BRSK1: variants seen among roughly 807,000 people sequenced by gnomAD.
The protein encoded by BRSK1 is BR serine/threonine kinase 1, also known as serine/threonine-protein kinase BRSK1.
A neutral mutation model predicts 86.2 loss-of-function variants in BRSK1; 17 were observed. That is an observed-to-expected ratio of 0.20 (90% confidence interval 0.14 to 0.30). BRSK1 has a LOEUF of 0.30. Ranked by LOEUF, BRSK1 falls within the 10% of genes least tolerant of loss-of-function variation. The pLI is 1.00. For missense variants in BRSK1, 719 were observed against 1,071.9 expected (o/e 0.67, Z 4.60); for synonymous variants, 464 against 440.1 (o/e 1.05, Z -0.68).
chr19:55,311,326 C>T (rs999265573), intron 18 of BRSK1, among the ~76,000 whole-genome samples: 6 of 152,070 alleles, frequency 3.9e-5, no homozygotes, highest in African/African-American at 9.7e-5. Context: ...CATCCTAGGC[C>T]CCATGGAAAT....
chr19:55,293,942 C>G (rs1355982238), intron 4 of BRSK1, 75 bp from the exon 5 acceptor site: 9 of 1,288,972 alleles, frequency 7.0e-6, no homozygotes, highest in Non-Finnish European at 8.7e-6. Flanking sequence ...AAGTGTTCCA[C>G]TGTGAGAGCC....
chr19:55,289,305 T>A (rs948737335), intron 3 of BRSK1, among the ~76,000 whole-genome samples, 175 bp from the exon 4 acceptor site: 1 of 151,990 alleles, frequency 6.6e-6, no homozygotes, highest in Admixed American at 6.6e-5. Flanking sequence ...CTCCCAGGAA[T>A]TAATGGAAAC....
chr19:55,305,421 G>C (rs369672679), intron 15 of BRSK1, 42 bp from the exon 16 acceptor site: 10 of 1,614,106 alleles, frequency 6.2e-6, no homozygotes, highest in Non-Finnish European at 8.5e-6. Context: ...TCATGCCCTC[G>C]GCGCCTTCCT....
Position 55,284,231 on chromosome 19 carries a change from CG to C in BRSK1, c.-208del. ...AGCCCCCCTGGGCCATGCTGACTCC[CG>C]GGGCCTGACCCCCCCGGGCCAGCCC... On this transcript the variant is annotated 5_prime_UTR_variant, in exon 1 of 19. It removes the in-frame stop codon of an upstream open reading frame in the 5' UTR. Transcript: ENST00000309383. The C allele has an allele frequency of 7.2e-6, 4 of 557,912 alleles. No homozygotes were observed. Among genetic ancestry groups the C allele is most frequent in the Non-Finnish European group, 1.1e-5 (4 of 376,736 alleles). The allele number at this position is 557,912 out of a possible 1,614,324, so 34.6% of individuals were successfully genotyped here. A position where few individuals can be genotyped will look rare whatever the true frequency, so the allele number is the denominator to read the frequency against.
At chr19:55,292,530 T>A (rs976418328) in intron 4 of BRSK1, among the ~76,000 whole-genome samples, 1 of 151,946 alleles carries the variant, frequency 6.6e-6, no homozygotes, top group Non-Finnish European at 1.5e-5. Context: ...CGTTTGTGAT[T>A]GTCTATTATA....
At chr19:55,300,012 A>G (rs904572064) in intron 7 of BRSK1, among the ~76,000 whole-genome samples, 9 of 152,062 alleles carry the variant, frequency 5.9e-5, no homozygotes, top group African/African-American at 2.2e-4. Flanking sequence ...GATTGGAAGC[A>G]TTCCCTCCCG....
chr19:55,296,436 G>A (rs1171599195), intron 7 of BRSK1, among the ~76,000 whole-genome samples: 3 of 152,100 alleles, frequency 2.0e-5, no homozygotes, highest in Non-Finnish European at 4.4e-5. Context: ...AATGACTCAC[G>A]CCAGTAATCC....
chr19:55,301,994 G>C (rs1296717859), intron 8 of BRSK1, 143 bp from the exon 9 acceptor site: 1 of 1,019,232 alleles, frequency 9.8e-7, no homozygotes, highest in African/African-American at 1.6e-5. Flanking sequence ...CGCCACTAGA[G>C]GGCGATGTAA....
At position 55,284,199 on chromosome 19, in the gene BRSK1, GC is replaced by G. The variant is rs1345850853; in HGVS notation, c.-240del. The G allele has an allele frequency of 5.3e-6, 4 of 750,756 alleles. No individual in the cohort carries two copies. The highest frequency in any genetic ancestry group is 5.4e-6 in the Non-Finnish European group (3 of 552,314). The allele number at this position is 750,756 out of a possible 1,614,324, so 46.5% of individuals were successfully genotyped here. ...GCCAGAAACGGGCTGGGGAGGGGGG[GC>G]CCCGCAGCCCCCCTGGGCCATGCTG... is the stretch of plus-strand genomic sequence containing the variant. On this transcript the variant is annotated 5_prime_UTR_variant, in exon 1 of 19. An upstream open reading frame in the 5' UTR loses its in-frame stop. Transcript: ENST00000309383.
At chr19:55,292,789 G>A (rs186637533) in intron 4 of BRSK1, among the ~76,000 whole-genome samples, 175 of 151,622 alleles carry the variant, frequency 1.2e-3, no homozygotes, top group African/African-American at 4.0e-3. Context: ...AGCCGTAATC[G>A]TGCCACTGCA....
At position 55,284,156 on chromosome 19, in the gene BRSK1, G is replaced by T. The variant is rs1385272653; in HGVS notation, c.-287G>T. 3 of 1,086,118 alleles carry T rather than the reference G, an allele frequency of 2.8e-6. No individual in the cohort carries two copies. Among genetic ancestry groups the T allele is most frequent in the African/African-American group, 1.6e-5 (1 of 61,142 alleles). 67.3% of individuals were successfully genotyped at this position (1,086,118 alleles called of 1,614,324 possible). A position where few individuals can be genotyped will look rare whatever the true frequency, so the allele number is the denominator to read the frequency against. On this transcript the variant is annotated 5_prime_UTR_variant, in exon 1 of 19. Transcript: ENST00000309383. ...TCAGACCCCCCCGGCGGGGGGAGGC[G>T]CAGGAAGCGGGGGGCCGGCCAGAAA...
chr19:55,284,500 C>T lies in BRSK1; in HGVS notation c.58C>T (p.Pro20Ser). Reference protein sequence around the residue: ...GGSPAYHLPHPHPHPPQHAQY... With the variant: ...GGSPAYHLPHSHPHPPQHAQY... ...CTCTCCCGCCTACCACCTCCCCCACCCCCACCCCCACCCACCCCAGCACGC... is the reference window on the plus strand; with the variant it reads ...CTCTCCCGCCTACCACCTCCCCCACTCCCACCCCCACCCACCCCAGCACGC... The change falls in exon 1 of 19, where the codon CCC (proline) becomes TCC (serine). Residue 20 changes from proline (P) to serine (S), a missense_variant. Pro to Ser is a moderately conservative substitution (Grantham distance 74). Coordinates refer to ENST00000309383, the MANE Select transcript of BRSK1 (RefSeq NM_032430.2). 1 of 1,033,112 alleles carries T rather than the reference C, an allele frequency of 9.7e-7. No individual in the cohort carries two copies. The highest frequency in any genetic ancestry group is 1.3e-6 in the Non-Finnish European group (1 of 756,780). The allele number at this position is 1,033,112 out of a possible 1,614,324, so 64.0% of individuals were successfully genotyped here.
rs2088594910 is a variant in BRSK1 at position 55,302,994 on chromosome 19, T to A, written c.1028+127T>A. 1.6e-6 allele frequency: 2 copies of A among 1,267,512 alleles called. No homozygotes were observed. The highest frequency in any genetic ancestry group is 1.5e-5 in the South Asian group (1 of 65,588). The allele number at this position is 1,267,512 out of a possible 1,614,324, so 78.5% of individuals were successfully genotyped here. ...TGGGGCATGGTTTGAAGCTCCCGCC[T>A]GGGAGTGATGGAACCAGCGGAGAAA... On this transcript the variant is annotated intron_variant, in intron 10 of 18. Transcript: ENST00000309383. This position sits in a 1 kb window ranked among gnomAD's most constrained non-coding sequence, Gnocchi z 6.3.
chr19:55,284,362 C>A lies in BRSK1; in HGVS notation c.-81C>A. ...GCCGGGGGGGCCGGGACGGAGCGGT[C>A]GCCGGCCCCCACCGGAGAGACGGGG... On this transcript the variant is annotated 5_prime_UTR_variant, in exon 1 of 19. Coordinates refer to ENST00000309383, the MANE Select transcript of BRSK1 (RefSeq NM_032430.2). 1.1e-6 allele frequency: 1 copy of A among 928,840 alleles called. No homozygotes were observed. The highest frequency in any genetic ancestry group is 5.3e-5 in the South Asian group (1 of 18,938). The allele number at this position is 928,840 out of a possible 1,614,324, so 57.5% of individuals were successfully genotyped here.
In BRSK1 at chr19:55,284,288, G is replaced by GGGGGGGGCCAGCCCAGCCCCC. The variant is rs1415764778; in HGVS notation, c.-154_-134dup. ...CCCCCAGCTCCGCGGCCCGCCGACT[G>GGGGGGGGCCAGCCCAGCCCCC]GGGGGGGCCAGCCCAGCCCCCTGGG... is the stretch of plus-strand genomic sequence containing the variant. On this transcript the variant is annotated 5_prime_UTR_variant, in exon 1 of 19. Transcript: ENST00000309383. The GGGGGGGGCCAGCCCAGCCCCC allele has an allele frequency of 1.0e-5, 6 of 580,808 alleles. 1 individual carries two copies. The highest frequency in any genetic ancestry group is 9.8e-5 in the African/African-American group (5 of 51,230). 36.0% of individuals were successfully genotyped at this position (580,808 alleles called of 1,614,324 possible).
rs1202122117 is a variant in BRSK1 at position 55,287,385 on chromosome 19, G to C, written c.317+86G>C. ...ACTTCTCCAGAAACAGGGCCTAGGG[G>C]GACCTGGGGGACCTGCAGCTCTCCA... On this transcript the variant is annotated intron_variant, in intron 3 of 18. Coordinates refer to ENST00000309383, the MANE Select transcript of BRSK1 (RefSeq NM_032430.2). The surrounding 1 kb of genome is among the most constrained non-coding windows in gnomAD (Gnocchi z 5.3). 8.2e-7 allele frequency: 1 copy of C among 1,226,888 alleles called. No individual in the cohort carries two copies. Among genetic ancestry groups the C allele is most frequent in the East Asian group, 2.4e-5 (1 of 42,192 alleles). 76.0% of individuals were successfully genotyped at this position (1,226,888 alleles called of 1,614,324 possible).
At chr19:55,305,256 C>T in intron 14 of BRSK1, 65 bp from the exon 15 acceptor site, 1 of 1,592,536 alleles carries the variant, frequency 6.3e-7, no homozygotes, top group Non-Finnish European at 8.6e-7. Context: ...CGAGTGCAGG[C>T]CTGTGTGCTG....
rs1411777318 is a variant in BRSK1 at position 55,287,466 on chromosome 19, C to T, written c.317+167C>T. On this transcript the variant is annotated intron_variant, in intron 3 of 18. Transcript: ENST00000309383. This position sits in a 1 kb window ranked among gnomAD's most constrained non-coding sequence, Gnocchi z 5.3. ...CTGTTGCACAGGGAAGCCCCTGACACACAGGGAACCCCACTGTTGTCACGC... is the reference window on the plus strand; with the variant it reads ...CTGTTGCACAGGGAAGCCCCTGACATACAGGGAACCCCACTGTTGTCACGC... Among the ~76,000 whole-genome samples the T allele has an allele frequency of 6.6e-6, 1 of 152,188 alleles. No homozygotes were observed. Among genetic ancestry groups the T allele is most frequent in the African/African-American group, 2.4e-5 (1 of 41,444 alleles).
In BRSK1 at chr19:55,302,526, C is replaced by G. The variant is rs1390991619; in HGVS notation, c.858-171C>G. The G allele has an allele frequency of 8.4e-6, 7 of 835,716 alleles. No homozygotes were observed. The highest frequency in any genetic ancestry group is 1.7e-5 in the African/African-American group (1 of 57,962). 51.8% of individuals were successfully genotyped at this position (835,716 alleles called of 1,614,324 possible). Reference sequence around the variant, plus strand: ...AGGGAAAAGGGGCTGGAGGTCTGGACTCCTGGGTCTGAGATGGGGGGCGAG... The same window carrying G: ...AGGGAAAAGGGGCTGGAGGTCTGGAGTCCTGGGTCTGAGATGGGGGGCGAG... On this transcript the variant is annotated intron_variant, in intron 9 of 18. Coordinates refer to ENST00000309383, the MANE Select transcript of BRSK1 (RefSeq NM_032430.2). This position sits in a 1 kb window ranked among gnomAD's most constrained non-coding sequence, Gnocchi z 6.3.
Sources: allele counts gnomAD v4.1 joint callset (sites outside exome capture counted in the v4.1 genomes callset), GRCh38; gene constraint gnomAD v4.1.1; non-coding constraint Gnocchi (gnomAD v3.1); transcripts MANE v1.5; gene names NCBI Gene and HGNC (gene_info 2026-07-23, HGNC 2026-07-21).